The following KALRN variants were observed in gnomAD, a reference collection of about 807,000 sequenced individuals.
The protein encoded by KALRN is kalirin.
A neutral mutation model predicts 353.7 loss-of-function variants in KALRN; 70 were observed. That is an observed-to-expected ratio of 0.20 (90% CI 0.16 to 0.24). KALRN has a LOEUF of 0.24. Ranked by LOEUF, KALRN falls within the 10% of genes least tolerant of loss-of-function variation. KALRN has a pLI of 1.00. For synonymous variants in KALRN, 1,391 were observed against 1,434.8 expected (o/e 0.97, Z 0.69); for missense variants, 2,791 against 3,756.7 (o/e 0.74, Z 6.72).
intron 6 of KALRN, among the ~76,000 whole-genome samples, chr3:124,324,161 T>A (rs1048403268): frequency 2.0e-5 from 3 of 152,168 alleles, no homozygotes; most frequent in African/African-American, 7.2e-5. Flanking sequence ...ACTTAACACA[T>A]CCTTTATTCA....
rs2084257794 is a variant in KALRN, at chr3:124,657,725, T to G, written c.5967-9T>G. On this transcript the variant is annotated splice_polypyrimidine_tract_variant and intron_variant, in intron 40 of 59. Transcript: ENST00000682506. ...TGGCTTCCTTCTCTTATCCCCTTTCTCCTTTTAGTTTTTTCCTGGCGGAAC... is the reference window on the plus strand; with the variant it reads ...TGGCTTCCTTCTCTTATCCCCTTTCGCCTTTTAGTTTTTTCCTGGCGGAAC... 4 of 1,606,988 alleles carry G rather than the reference T, an allele frequency of 2.5e-6. No individual in the cohort carries two copies. The East Asian group carries it at 8.9e-5, about 36-fold the overall frequency.
chr3:124,447,026 A>G (rs543921466), intron 21 of KALRN, 141 bp downstream of exon 21: 4 of 965,162 alleles, frequency 4.1e-6, no homozygotes, highest in Non-Finnish European at 6.1e-6. Flanking sequence ...TAAATGTCCT[A>G]AAGGATTGTC....
chr3:124,238,260 T>C (rs1258486156), intron 3 of KALRN, among the ~76,000 whole-genome samples: 1 of 152,014 alleles, frequency 6.6e-6, no homozygotes, highest in Non-Finnish European at 1.5e-5. Flanking sequence ...AAAAACGCAA[T>C]TCCTGACTTC....
chr3:124,623,399 TACACACACACACACACAC>T (rs372330681), intron 34 of KALRN, among the ~76,000 whole-genome samples: 148 of 136,514 alleles, frequency 1.1e-3, no homozygotes, highest in Non-Finnish European at 1.9e-3. Flanking sequence ...TATTTATTTA[TACACACACACACACACAC>T]ACACACACAC....
Position 124,666,922 on chromosome 3 carries a change from C to T in KALRN, c.6532-90C>T, listed in dbSNP as rs987594467. The T allele has an allele frequency of 2.2e-6, 3 of 1,368,380 alleles. No homozygotes were observed. The African/African-American group carries it at 4.4e-5, about 20-fold the overall frequency. 84.8% of individuals were successfully genotyped at this position (1,368,380 alleles called of 1,614,324 possible). A position where few individuals can be genotyped will look rare whatever the true frequency, so the allele number is the denominator to read the frequency against. The stretch of plus-strand genomic sequence containing the variant: ...TCCAGGGCAAAATTTGGAAGCTTGT[C>T]CTGAAATAGAAACTTTGAGGAAGAG... On this transcript the variant is annotated intron_variant, in intron 46 of 59. Coordinates refer to ENST00000682506, the MANE Select transcript of KALRN (RefSeq NM_001388419.1).
At chr3:124,113,101 T>A (rs2063142483) in intron 1 of KALRN, among the ~76,000 whole-genome samples, 1 of 152,192 alleles carries the variant, frequency 6.6e-6, no homozygotes, top group Admixed American at 6.5e-5. Flanking sequence ...TCAGGCAGTA[T>A]GCTGAGTAGT....
intron 12 of KALRN, 22 bp downstream of exon 12, chr3:124,395,365 CA>C (rs1442851519): frequency 6.3e-7 from 1 of 1,593,622 alleles, no homozygotes; most frequent in Admixed American, 1.7e-5. Context: ...CAGAGCTTTC[CA>C]GTGGGAAATG....
At chr3:124,326,723 C>T (rs1449700030) in intron 7 of KALRN, among the ~76,000 whole-genome samples, 1 of 152,204 alleles carries the variant, frequency 6.6e-6, no homozygotes, top group South Asian at 2.1e-4. Flanking sequence ...AAGTGATTGG[C>T]CTGCCTAAGA....
At position 124,228,033 on chromosome 3, in the gene KALRN, T is replaced by C. The variant is rs771996153; in HGVS notation, c.117T>C (p.Pro39=). The change falls in exon 2 of 60, where the codon CCT becomes CCC. Residue 39 remains proline (P), a synonymous_variant. Transcript: ENST00000682506. The part of the protein sequence containing the change: ...NDGLKASDVL[P]ILKEKVAFVS... ...GTTTGAAAGCTTCTGATGTCCTTCC[T>C]ATCCTAAAGGAAAAGGTGGCCTTCG... The C allele has an allele frequency of 7.4e-6, 12 of 1,614,106 alleles. No individual in the cohort carries two copies. Among genetic ancestry groups the C allele is most frequent in the Non-Finnish European group, 1.0e-5 (12 of 1,179,962 alleles).
rs370356149 is a variant in KALRN, at chr3:124,341,266, C to T, written c.1648-5877C>T. ...AAGTTGTTACAAGACTGCCTGCCTGCTGTAGTGGCAAGGAGCCTGGGCTCA... is the reference window on the plus strand; with the variant it reads ...AAGTTGTTACAAGACTGCCTGCCTGTTGTAGTGGCAAGGAGCCTGGGCTCA... On this transcript the variant is annotated intron_variant, in intron 9 of 59. Coordinates refer to ENST00000682506, the MANE Select transcript of KALRN (RefSeq NM_001388419.1). Among the ~76,000 whole-genome samples, 5 of 152,300 alleles carry T rather than the reference C, an allele frequency of 3.3e-5. 1 individual carries two copies. The highest frequency in any genetic ancestry group is 1.9e-4 in the East Asian group (1 of 5,174).
At chr3:124,621,299 A>T (rs185208308) in intron 34 of KALRN, among the ~76,000 whole-genome samples, 1 of 152,206 alleles carries the variant, frequency 6.6e-6, no homozygotes, top group African/African-American at 2.4e-5. Context: ...GAAAAAATAG[A>T]TACAGATGTT....
intron 21 of KALRN, among the ~76,000 whole-genome samples, chr3:124,447,523 G>A (rs2093879163): frequency 6.6e-6 from 1 of 152,186 alleles, no homozygotes; most frequent in African/African-American, 2.4e-5. Flanking sequence ...GCTTGGGTTT[G>A]AATGAAAATC....
intron 16 of KALRN, among the ~76,000 whole-genome samples, chr3:124,431,695 T>TA (rs534714293): frequency 1.2e-4 from 18 of 150,244 alleles, no homozygotes; most frequent in East Asian, 3.9e-4. Context: ...TATCTTTTAC[T>TA]AAAAAAAAAA....
chr3:124,522,765 AG>A (rs1446866143), intron 33 of KALRN, among the ~76,000 whole-genome samples: 1 of 152,212 alleles, frequency 6.6e-6, no homozygotes, highest in African/African-American at 2.4e-5. Flanking sequence ...TATAGCTAGG[AG>A]GTTCCTGTTA....
At chr3:124,216,250 T>C (rs7618283) in intron 1 of KALRN, among the ~76,000 whole-genome samples, 3,798 of 152,194 alleles carry the variant, frequency 0.025, 140 homozygotes, top group African/African-American at 0.085. Flanking sequence ...AGCCCAACCA[T>C]GGTATTGGGT....
intron 29 of KALRN, 117 bp from the exon 30 acceptor site, chr3:124,490,577 C>A (rs2063047033): frequency 3.5e-6 from 3 of 866,636 alleles, no homozygotes; most frequent in Admixed American, 5.6e-5. Context: ...AGAAAAAAAC[C>A]CTTCAGTAAC....
At chr3:124,099,555 CTT>C (rs1335437157) in intron 1 of KALRN, among the ~76,000 whole-genome samples, 1 of 152,126 alleles carries the variant, frequency 6.6e-6, no homozygotes, top group Admixed American at 6.5e-5. Context: ...TGATTGATCT[CTT>C]TTCTTTTGGA....
chr3:124,295,220 C>A (rs761138786), intron 5 of KALRN, among the ~76,000 whole-genome samples: 1 of 152,170 alleles, frequency 6.6e-6, no homozygotes. Flanking sequence ...TCACATGAGA[C>A]CATCTAATCC....
At chr3:124,287,420 T>C (rs1361132976) in intron 5 of KALRN, among the ~76,000 whole-genome samples, 1 of 151,850 alleles carries the variant, frequency 6.6e-6, no homozygotes, top group East Asian at 1.9e-4. Flanking sequence ...TCCTTACCAG[T>C]CCCTGAACGC....
Sources: allele counts gnomAD v4.1 joint callset (sites outside exome capture counted in the v4.1 genomes callset), GRCh38; gene constraint gnomAD v4.1.1; transcripts MANE v1.5; gene names NCBI Gene and HGNC (gene_info 2026-07-23, HGNC 2026-07-21).